The following ENPP6 variants were observed in gnomAD, a reference collection of about 807,000 sequenced individuals.
The protein encoded by ENPP6 is ectonucleotide pyrophosphatase/phosphodiesterase 6.
Under a neutral mutation model 42.0 loss-of-function variants are expected in ENPP6, and 32 were observed. The observed-to-expected ratio is 0.76, with a 90% CI of 0.58 to 1.02. ENPP6 has a LOEUF of 1.02. Among genes scored for constraint, ENPP6 ranks in the 50% least tolerant of loss-of-function variants. The pLI, the probability that ENPP6 is intolerant of heterozygous loss-of-function variation, is 0.00. For synonymous variants in ENPP6, 213 were observed against 216.0 expected, an observed-to-expected ratio of 0.99 and a Z score of 0.12; for missense variants, 552 against 566.8, an observed-to-expected ratio of 0.97 and a Z score of 0.27.
At chr4:184,150,672 G>A (rs887272745) in intron 2 of ENPP6, among the ~76,000 whole-genome samples, 4 of 152,244 alleles carry the variant, frequency 2.6e-5, no homozygotes, top group African/African-American at 9.6e-5. Flanking sequence ...AGCAGAGACA[G>A]CTGGCTCTCT....
chr4:184,159,485 T>G (rs1737227642), intron 1 of ENPP6, among the ~76,000 whole-genome samples: 1 of 152,192 alleles, frequency 6.6e-6, no homozygotes, highest in South Asian at 2.1e-4. Flanking sequence ...ATATTTGTTA[T>G]TTGCATAGTG....
chr4:184,114,504 A>G (rs543613716), intron 5 of ENPP6, among the ~76,000 whole-genome samples: 1 of 152,172 alleles, frequency 6.6e-6, no homozygotes, highest in Non-Finnish European at 1.5e-5. Context: ...AGGAGGATGC[A>G]TTTGCAGAAG....
chr4:184,191,535 C>T (rs992620988), intron 1 of ENPP6, among the ~76,000 whole-genome samples: 3 of 152,144 alleles, frequency 2.0e-5, no homozygotes, highest in Non-Finnish European at 2.9e-5. Flanking sequence ...GAACGCAGAG[C>T]GATGGAGGGG....
chr4:184,132,820 C>CATATAT (rs1405382275), intron 2 of ENPP6, among the ~76,000 whole-genome samples: 16 of 122,800 alleles, frequency 1.3e-4, no homozygotes, highest in African/African-American at 4.7e-4. Flanking sequence ...TACATATATA[C>CATATAT]ACACACACAC....
In ENPP6 at chr4:184,217,625, T is replaced by C. The variant is rs1036235555; in HGVS notation, c.195A>G (p.Pro65=). 2 of 1,614,136 alleles carry C rather than the reference T, an allele frequency of 1.2e-6. No homozygotes were observed. The highest frequency in any genetic ancestry group is 2.7e-5 in the African/African-American group (2 of 74,936). ...TGGGATACGAGAGACTAGGGAAGTC[T>C]GGAGTCAAGTAATCCACTTTTACTC... ...SRGVKVDYLT[P]DFPSLSYPNY... Residue 65 remains proline (P), a synonymous_variant, in exon 1 of 8, where the codon CCA becomes CCG. Coordinates refer to ENST00000296741, the MANE Select transcript of ENPP6 (RefSeq NM_153343.4).
intron 2 of ENPP6, among the ~76,000 whole-genome samples, chr4:184,132,523 T>C (rs972755378): frequency 1.3e-5 from 2 of 152,150 alleles, no homozygotes; most frequent in African/African-American, 2.4e-5. Context: ...AAGAGAAGCT[T>C]CTAATTTTAA....
chr4:184,198,722 C>T (rs1435752894), intron 1 of ENPP6, among the ~76,000 whole-genome samples: 2 of 152,204 alleles, frequency 1.3e-5, no homozygotes, highest in Non-Finnish European at 2.9e-5. Context: ...AACAAAATGT[C>T]TGCTTGTTCT....
intron 6 of ENPP6, among the ~76,000 whole-genome samples, chr4:184,098,810 C>A (rs1378605214): frequency 6.6e-6 from 1 of 152,206 alleles, no homozygotes; most frequent in Non-Finnish European, 1.5e-5. Context: ...TCTTCTAAGA[C>A]CTCGCCAAGG....
intron 1 of ENPP6, among the ~76,000 whole-genome samples, chr4:184,175,209 T>G (rs1737540920): frequency 6.6e-6 from 1 of 152,122 alleles, no homozygotes; most frequent in South Asian, 2.1e-4. Context: ...CTCTCTTCTC[T>G]GGTAGAGGCC....
intron 7 of ENPP6, among the ~76,000 whole-genome samples, chr4:184,092,719 G>C (rs1308548805): frequency 6.6e-6 from 1 of 152,226 alleles, no homozygotes; most frequent in Non-Finnish European, 1.5e-5. Flanking sequence ...TGAATTCAGG[G>C]AGGAGATTTA....
intron 2 of ENPP6, among the ~76,000 whole-genome samples, chr4:184,128,274 G>A (rs1054655425): frequency 4.6e-5 from 7 of 152,248 alleles, no homozygotes; most frequent in South Asian, 2.1e-4. Flanking sequence ...TCCACCTCCC[G>A]GGTTCAAGCA....
chr4:184,217,276 G>C (rs1345720826), intron 1 of ENPP6, among the ~76,000 whole-genome samples: 1 of 152,086 alleles, frequency 6.6e-6, no homozygotes, highest in Admixed American at 6.5e-5. Flanking sequence ...AGCCTCATTA[G>C]AATTTCTCTT....
intron 1 of ENPP6, among the ~76,000 whole-genome samples, chr4:184,197,368 C>T (rs1265870048): frequency 6.6e-6 from 1 of 152,190 alleles, no homozygotes; most frequent in Non-Finnish European, 1.5e-5. Flanking sequence ...GAAGCAAAAG[C>T]AACCCAGGGA....
In ENPP6 at chr4:184,208,459, A is replaced by G. The variant is rs564795287; in HGVS notation, c.241+9120T>C. Among the ~76,000 whole-genome samples the G allele has an allele frequency of 1.3e-3, 191 of 152,226 alleles. 1 individual carries two copies. The highest frequency in any genetic ancestry group is 4.5e-3 in the African/African-American group (187 of 41,548). On this transcript the variant is annotated intron_variant, in intron 1 of 7. Coordinates refer to ENST00000296741, the MANE Select transcript of ENPP6 (RefSeq NM_153343.4). ...AAGGGGTCAGGGAGTTCCCTTTCCG[A>G]GTCAAAGAAAGGGGTGACGGATGGC...
intron 1 of ENPP6, among the ~76,000 whole-genome samples, chr4:184,189,631 C>T (rs935691950): frequency 4.6e-5 from 7 of 152,228 alleles, no homozygotes; most frequent in Admixed American, 1.3e-4. Context: ...CCAGAGGAGG[C>T]CAGAAGGGCA....
intron 2 of ENPP6, among the ~76,000 whole-genome samples, chr4:184,141,766 AAAT>A (rs1319483745): frequency 1.3e-5 from 2 of 152,088 alleles, no homozygotes. Context: ...CTTTTGTGCA[AAAT>A]AATAATAATA....
At chr4:184,106,246 G>C (rs1736090636) in intron 6 of ENPP6, among the ~76,000 whole-genome samples, 5 of 151,774 alleles carry the variant, frequency 3.3e-5, no homozygotes, top group Admixed American at 3.3e-4. Flanking sequence ...CGTTGGCCAG[G>C]CTGGTCTCGA....
chr4:184,174,296 C>A (rs1398885253), intron 1 of ENPP6, among the ~76,000 whole-genome samples: 1 of 151,964 alleles, frequency 6.6e-6, no homozygotes, highest in East Asian at 1.9e-4. Context: ...CGCCACCACG[C>A]CTGGCTAATT....
intron 1 of ENPP6, among the ~76,000 whole-genome samples, chr4:184,174,692 A>G (rs1038129636): frequency 3.2e-4 from 3 of 9,248 alleles, no homozygotes; most frequent in Non-Finnish European, 1.9e-3. Flanking sequence ...GTACCCCAAA[A>G]GTATCTTACG....
Sources: allele counts gnomAD v4.1 joint callset (sites outside exome capture counted in the v4.1 genomes callset), GRCh38; gene constraint gnomAD v4.1.1; transcripts MANE v1.5; gene names NCBI Gene and HGNC (gene_info 2026-07-23, HGNC 2026-07-21).